Variants in GDI2 observed in about 807,000 individuals in gnomAD.
The protein encoded by GDI2 is GDP dissociation inhibitor 2.
Under a neutral mutation model 54.2 loss-of-function variants are expected in GDI2, and 22 were observed. That is an observed-to-expected ratio of 0.41 (90% CI 0.29 to 0.58). The LOEUF (loss-of-function observed/expected upper bound fraction) is 0.58, where lower values mean the gene tolerates loss of function less well. Ranked by LOEUF, GDI2 falls within the 20% of genes least tolerant of loss-of-function variation. GDI2 has a pLI of 0.35. For synonymous variants in GDI2, 177 were observed against 182.1 expected (o/e 0.97, Z 0.23); for missense variants, 422 against 546.0 (o/e 0.77, Z 2.26).
Position 5,776,901 on chromosome 10 carries a change from G to A in GDI2, c.720-2960C>T. ...AGAAGAGGGGAGAAGAGGAAATAAT[G>A]CGAAAACAGTTAATCCAGCAAAAAA... On this transcript the variant is annotated intron_variant, in intron 6 of 10. Transcript: ENST00000380191. The surrounding 1 kb of genome is among the most constrained non-coding windows in gnomAD (Gnocchi z 5.3). 1 of 838,162 alleles carries A rather than the reference G, an allele frequency of 1.2e-6. No individual in the cohort carries two copies. Among genetic ancestry groups the A allele is most frequent in the Non-Finnish European group, 1.8e-6 (1 of 546,502 alleles). The allele number at this position is 838,162 out of a possible 1,614,324, so 51.9% of individuals were successfully genotyped here.
intron 2 of GDI2, among the ~76,000 whole-genome samples, chr10:5,799,996 G>T (rs550409952): frequency 6.6e-6 from 1 of 151,986 alleles, no homozygotes; most frequent in Non-Finnish European, 1.5e-5. Flanking sequence ...ATCCTTTTTG[G>T]TAAGTATTGT....
chr10:5,776,279 G>T lies in GDI2; in HGVS notation c.720-2338C>A, dbSNP rs573861698. ...AGACAGGTGGAAAAGGGCCCAGCGT[G>T]AAAAGACTGAAAGCCCAGCAGAACA... On this transcript the variant is annotated intron_variant, in intron 6 of 10. Transcript: ENST00000380191. The surrounding 1 kb of genome is among the most constrained non-coding windows in gnomAD (Gnocchi z 5.3). 7 of 534,672 alleles carry T rather than the reference G, an allele frequency of 1.3e-5. No individual in the cohort carries two copies. Among genetic ancestry groups the T allele is most frequent in the African/African-American group, 7.7e-5 (4 of 52,172 alleles). The allele number at this position is 534,672 out of a possible 1,614,324, so 33.1% of individuals were successfully genotyped here.
In GDI2 at chr10:5,784,372, C is replaced by G. The variant is rs148550960; in HGVS notation, c.719+770G>C. ...TTGCTAAGTTGGACTTCACCTTTCT[C>G]TCGTGCCTCCTTGATTGGCGTAATA... On this transcript the variant is annotated intron_variant, in intron 6 of 10. Coordinates refer to ENST00000380191, the MANE Select transcript of GDI2 (RefSeq NM_001494.4). Among the ~76,000 whole-genome samples, 12 of 152,306 alleles carry G rather than the reference C, an allele frequency of 7.9e-5. No individual in the cohort carries two copies. In the East Asian group the frequency reaches 2.3e-3, roughly 29 times the overall value.
intron 2 of GDI2, among the ~76,000 whole-genome samples, chr10:5,797,827 T>G (rs996756455): frequency 2.6e-5 from 4 of 152,170 alleles, no homozygotes; most frequent in Admixed American, 1.3e-4. Flanking sequence ...AGGGTGTCAC[T>G]GACAAATAGC....
intron 6 of GDI2, among the ~76,000 whole-genome samples, chr10:5,778,477 G>C (rs536924514): frequency 3.9e-5 from 6 of 152,280 alleles, no homozygotes; most frequent in African/African-American, 1.4e-4. Context: ...CTTTCTAGAT[G>C]AAACTATACG....
intron 6 of GDI2, among the ~76,000 whole-genome samples, chr10:5,780,461 AAAG>A (rs1840731768): frequency 1.3e-5 from 2 of 152,214 alleles, no homozygotes; most frequent in African/African-American, 4.8e-5. Flanking sequence ...AAAAGTTATA[AAAG>A]AAGAATCTCT....
intron 6 of GDI2, among the ~76,000 whole-genome samples, chr10:5,780,177 C>A (rs1317039593): frequency 6.7e-6 from 1 of 149,894 alleles, no homozygotes; most frequent in Non-Finnish European, 1.5e-5. Flanking sequence ...CCACTGCACT[C>A]TAGCATGGGT....
In GDI2 at chr10:5,766,187, G is replaced by A; in HGVS notation, c.1192-35C>T. 6.2e-7 allele frequency: 1 copy of A among 1,611,898 alleles called. No homozygotes were observed. Among genetic ancestry groups the A allele is most frequent in the Non-Finnish European group, 8.5e-7 (1 of 1,177,924 alleles). On this transcript the variant is annotated intron_variant, in intron 10 of 10. Coordinates refer to ENST00000380191, the MANE Select transcript of GDI2 (RefSeq NM_001494.4). The surrounding 1 kb of genome is among the most constrained non-coding windows in gnomAD (Gnocchi z 5.8). ...AAAATTACGAAGACTTAAGACCATGGAGGGATGTCTTCCAGTGAAACCTGC... is the reference window on the plus strand; with the variant it reads ...AAAATTACGAAGACTTAAGACCATGAAGGGATGTCTTCCAGTGAAACCTGC...
intron 2 of GDI2, among the ~76,000 whole-genome samples, chr10:5,798,963 G>C (rs561814282): frequency 2.0e-5 from 3 of 151,880 alleles, no homozygotes; most frequent in Admixed American, 1.3e-4. Flanking sequence ...AACAGAGCAA[G>C]ACTGTCTCAA....
Position 5,798,139 on chromosome 10 carries a change from T to C in GDI2, c.154-1277A>G, listed in dbSNP as rs542097579. On this transcript the variant is annotated intron_variant, in intron 2 of 10. Coordinates refer to ENST00000380191, the MANE Select transcript of GDI2 (RefSeq NM_001494.4). ...TGTCCTTTTGTTCTTTTATGATGTT[T>C]TGTGGTAAGAATACTCAAATTAATT... is the stretch of plus-strand genomic sequence containing the variant. Among the ~76,000 whole-genome samples, 37 of 152,332 alleles carry C rather than the reference T, an allele frequency of 2.4e-4. 1 individual carries two copies. In the South Asian group the frequency reaches 7.5e-3, roughly 31 times the overall value.
rs898871177 is a variant in GDI2, at chr10:5,813,398, G to A, written c.-140C>T. 1.9e-6 allele frequency: 1 copy of A among 525,924 alleles called. No individual in the cohort carries two copies. The highest frequency in any genetic ancestry group is 3.4e-6 in the Non-Finnish European group (1 of 297,152). The allele number at this position is 525,924 out of a possible 1,614,324, so 32.6% of individuals were successfully genotyped here. A position where few individuals can be genotyped will look rare whatever the true frequency, so the allele number is the denominator to read the frequency against. On this transcript the variant is annotated 5_prime_UTR_variant, in exon 1 of 11. Transcript: ENST00000380191. ...AGGAAAATGGAGCTGGCGACAAGGC[G>A]AGACCGACCGCCACCTCAGACGGGA...
Position 5,766,509 on chromosome 10 carries a change from T to G in GDI2, c.1121A>C (p.Glu374Ala), listed in dbSNP as rs1203086435. 1.9e-6 allele frequency: 3 copies of G among 1,613,552 alleles called. No homozygotes were observed. The South Asian group carries it at 3.3e-5, about 18-fold the overall frequency. Residue 374 changes from glutamate (E) to alanine (A), a missense_variant, in exon 9 of 11, where the codon GAA (glutamate) becomes GCA (alanine). Coordinates refer to ENST00000380191, the MANE Select transcript of GDI2 (RefSeq NM_001494.4). The surrounding 1 kb of genome is among the most constrained non-coding windows in gnomAD (Gnocchi z 5.8). ...KEIRPALELL[E>A]PIEQKFVSIS... ...CACAACTCACTTCTGTTCAATTGGT[T>G]CCAAGAGCTCCAAAGCTGGTCTGAT...
At chr10:5,790,119 G>T (rs1335020878) in intron 4 of GDI2, among the ~76,000 whole-genome samples, 2 of 152,222 alleles carry the variant, frequency 1.3e-5, no homozygotes, top group African/African-American at 4.8e-5. Flanking sequence ...GCAAAGTCAT[G>T]ACATTACAAG....
intron 2 of GDI2, among the ~76,000 whole-genome samples, chr10:5,797,150 C>T (rs556637953): frequency 2.2e-4 from 34 of 152,294 alleles, no homozygotes; most frequent in East Asian, 5.8e-4. Flanking sequence ...TGGCTCATGC[C>T]TGTAATCCCA....
chr10:5,794,188 A>AAAAAAAATAT (rs1448053813), intron 4 of GDI2, among the ~76,000 whole-genome samples: 2 of 40,338 alleles, frequency 5.0e-5, no homozygotes, highest in African/African-American at 1.0e-4. Flanking sequence ...AAAAAAAAAA[A>AAAAAAAATAT]ATATATATAT....
At chr10:5,789,072 TG>T (rs1010222317) in intron 4 of GDI2, among the ~76,000 whole-genome samples, 1 of 151,672 alleles carries the variant, frequency 6.6e-6, no homozygotes, top group Non-Finnish European at 1.5e-5. Flanking sequence ...CAGCCAGGTT[TG>T]TTTTTTCTTT....
intron 6 of GDI2, among the ~76,000 whole-genome samples, chr10:5,782,985 T>C (rs1486723013): frequency 6.6e-6 from 1 of 152,082 alleles, no homozygotes; most frequent in Non-Finnish European, 1.5e-5. Context: ...TCTCAAAAAA[T>C]GAAAAAGACA....
intron 7 of GDI2, among the ~76,000 whole-genome samples, chr10:5,773,610 T>A (rs918051298): frequency 1.7e-4 from 26 of 152,230 alleles, no homozygotes; most frequent in Admixed American, 5.2e-4. Flanking sequence ...ATACTTACTA[T>A]TTAGAGCTCA....
At chr10:5,812,032 T>C (rs1200215623) in intron 1 of GDI2, 2 of 343,148 alleles carry the variant, frequency 5.8e-6, no homozygotes, top group African/African-American at 4.6e-5. Flanking sequence ...AGTGGAAGTC[T>C]ACATTAAATG....
Sources: allele counts gnomAD v4.1 joint callset (sites outside exome capture counted in the v4.1 genomes callset), GRCh38; gene constraint gnomAD v4.1.1; non-coding constraint Gnocchi (gnomAD v3.1); transcripts MANE v1.5; gene names NCBI Gene and HGNC (gene_info 2026-07-23, HGNC 2026-07-21).